Variants in C1orf21 observed in about 807,000 individuals in gnomAD.
C1orf21 encodes the protein chromosome 1 open reading frame 21.
In C1orf21, 3 loss-of-function variants were observed where a neutral mutation model predicts 18.7. The ratio of observed to expected loss-of-function variants is 0.16; its 90% CI spans 0.07 to 0.42. The LOEUF is 0.42. Ranked by LOEUF, C1orf21 falls within the 10% of genes least tolerant of loss-of-function variation. The pLI is 0.99. For missense variants in C1orf21, 104 were observed against 143.6 expected, an observed-to-expected ratio of 0.72 and a Z score of 1.41; for synonymous variants, 41 against 46.4, an observed-to-expected ratio of 0.88 and a Z score of 0.47.
At chr1:184,410,617 TTATATATATATATATATATATA>T (rs1162356586) in intron 1 of C1orf21, among the ~76,000 whole-genome samples, 1 of 21,156 alleles carries the variant, frequency 4.7e-5, no homozygotes, top group Non-Finnish European at 6.9e-5. Flanking sequence ...GCCATATATA[TTATATATATATATATATATATA>T]TATATATATA....
At chr1:184,388,059 G>T (rs546131054) in intron 1 of C1orf21, among the ~76,000 whole-genome samples, 1 of 152,186 alleles carries the variant, frequency 6.6e-6, no homozygotes, top group Non-Finnish European at 1.5e-5. Flanking sequence ...AAGTGCCGCC[G>T]CCGCGGCTGC....
intron 5 of C1orf21, among the ~76,000 whole-genome samples, chr1:184,609,288 C>A (rs142357769): frequency 5.3e-5 from 8 of 151,888 alleles, no homozygotes; most frequent in African/African-American, 1.9e-4. Flanking sequence ...TCTAATCCAG[C>A]AAGAAAACTG....
In C1orf21 at chr1:184,620,232, G is replaced by C. The variant is rs1186142298; in HGVS notation, c.*676G>C. Reference sequence around the variant, plus strand: ...GAATTAAGCTTGCAACATTGGCTTTGCTCAGATGCAGATGGAAGTGTGATC... The same window carrying C: ...GAATTAAGCTTGCAACATTGGCTTTCCTCAGATGCAGATGGAAGTGTGATC... On this transcript the variant is annotated 3_prime_UTR_variant, in exon 6 of 6. Transcript: ENST00000235307. 1 of 152,624 alleles carries C rather than the reference G, an allele frequency of 6.6e-6. No homozygotes were observed. Among genetic ancestry groups the C allele is most frequent in the Non-Finnish European group, 1.5e-5 (1 of 68,030 alleles). 9.5% of individuals were successfully genotyped at this position (152,624 alleles called of 1,614,324 possible).
At chr1:184,572,345 G>A (rs1659124341) in intron 3 of C1orf21, among the ~76,000 whole-genome samples, 1 of 152,178 alleles carries the variant, frequency 6.6e-6, no homozygotes. Flanking sequence ...CGTAGGAAGA[G>A]GGAGCGAGGG....
chr1:184,595,715 G>A (rs1659502667), intron 4 of C1orf21, among the ~76,000 whole-genome samples: 1 of 152,180 alleles, frequency 6.6e-6, no homozygotes, highest in African/African-American at 2.4e-5. Flanking sequence ...CCCCGGCAAT[G>A]TCTGACACAC....
At chr1:184,567,473 A>G (rs1659050522) in intron 3 of C1orf21, 2 of 541,366 alleles carry the variant, frequency 3.7e-6, no homozygotes, top group South Asian at 1.4e-5. Flanking sequence ...TGGTGCAGAG[A>G]TGCTGTATTG....
chr1:184,571,350 T>C (rs979546736), intron 3 of C1orf21, among the ~76,000 whole-genome samples: 1 of 150,150 alleles, frequency 6.7e-6, no homozygotes, highest in African/African-American at 2.4e-5. Context: ...AGTATTATAA[T>C]ATTACGGGAC....
chr1:184,439,662 A>G (rs1275423525), intron 1 of C1orf21, among the ~76,000 whole-genome samples: 1 of 151,998 alleles, frequency 6.6e-6, no homozygotes, highest in Non-Finnish European at 1.5e-5. Context: ...CACTCAACCT[A>G]CATTATGGCT....
intron 3 of C1orf21, among the ~76,000 whole-genome samples, chr1:184,580,611 G>A (rs1351601190): frequency 2.0e-5 from 3 of 152,206 alleles, no homozygotes; most frequent in African/African-American, 7.2e-5. Flanking sequence ...TTATCCACTT[G>A]TAACCTGCTG....
At chr1:184,411,588 T>G (rs978238628) in intron 1 of C1orf21, among the ~76,000 whole-genome samples, 1 of 145,920 alleles carries the variant, frequency 6.9e-6, no homozygotes, top group African/African-American at 2.8e-5. Flanking sequence ...CGCCTGGCTA[T>G]TTTTTTTGTA....
At chr1:184,579,311 C>T (rs553713902) in intron 3 of C1orf21, among the ~76,000 whole-genome samples, 56 of 149,986 alleles carry the variant, frequency 3.7e-4, no homozygotes, top group African/African-American at 1.2e-3. Context: ...CTCAGCCTCC[C>T]GAAGTGCTGG....
chr1:184,539,947 G>A (rs572197671), intron 3 of C1orf21: 3 of 152,186 alleles, frequency 2.0e-5, no homozygotes, highest in African/African-American at 4.8e-5. Context: ...GACATGACAC[G>A]GAGCAGTGAC....
intron 1 of C1orf21, among the ~76,000 whole-genome samples, chr1:184,410,917 G>C (rs902211616): frequency 6.6e-6 from 1 of 151,040 alleles, no homozygotes; most frequent in Non-Finnish European, 1.5e-5. Flanking sequence ...CTGCCAAACT[G>C]TTGGGGTTAC....
In C1orf21 at chr1:184,562,558, G is replaced by A. The variant is rs536552428; in HGVS notation, c.190-28181G>A. Among the ~76,000 whole-genome samples the A allele has an allele frequency of 2.1e-3, 324 of 152,326 alleles. 1 individual carries two copies. The highest frequency in any genetic ancestry group is 3.4e-3 in the Middle Eastern group (1 of 294). On this transcript the variant is annotated intron_variant, in intron 3 of 5. Transcript: ENST00000235307. ...ACTTCAAGTCATTCACCCCATACGGGAGAAGCAATGTATGAAGCATCGAGG... is the reference window on the plus strand; with the variant it reads ...ACTTCAAGTCATTCACCCCATACGGAAGAAGCAATGTATGAAGCATCGAGG...
intron 3 of C1orf21, among the ~76,000 whole-genome samples, chr1:184,584,663 A>G (rs1659328621): frequency 6.6e-6 from 1 of 152,238 alleles, no homozygotes; most frequent in Non-Finnish European, 1.5e-5. Flanking sequence ...ACTGAACACA[A>G]TATCAATGTC....
chr1:184,548,214 A>ACAC (rs1658753908), intron 3 of C1orf21, among the ~76,000 whole-genome samples: 1 of 139,984 alleles, frequency 7.1e-6, no homozygotes, highest in African/African-American at 2.7e-5. Flanking sequence ...TCAAATCCCC[A>ACAC]ACACACACAC....
chr1:184,429,940 C>G (rs1442691373), intron 1 of C1orf21, among the ~76,000 whole-genome samples: 1 of 151,858 alleles, frequency 6.6e-6, no homozygotes, highest in Non-Finnish European at 1.5e-5. Flanking sequence ...AACCCTGTCT[C>G]TACTAAAAAT....
rs533283495 is a variant in C1orf21, at chr1:184,420,485, T to G, written c.-125+33117T>G. Among the ~76,000 whole-genome samples the G allele has an allele frequency of 4.1e-4, 62 of 152,342 alleles. 1 individual carries two copies. The South Asian group carries it at 0.013, about 32-fold the overall frequency. On this transcript the variant is annotated intron_variant, in intron 1 of 5. Coordinates refer to ENST00000235307, the MANE Select transcript of C1orf21 (RefSeq NM_030806.4). ...CAAAATACTTCAGTGGTGCTAAAAG[T>G]TAGGCCTGTGGTAATAAATCATTGT...
At chr1:184,400,068 G>A (rs917732630) in intron 1 of C1orf21, among the ~76,000 whole-genome samples, 1 of 151,786 alleles carries the variant, frequency 6.6e-6, no homozygotes, top group African/African-American at 2.4e-5. Flanking sequence ...CACAATTTAT[G>A]TGTTTTAATC....
Sources: allele counts gnomAD v4.1 joint callset (sites outside exome capture counted in the v4.1 genomes callset), GRCh38; gene constraint gnomAD v4.1.1; transcripts MANE v1.5; gene names NCBI Gene and HGNC (gene_info 2026-07-23, HGNC 2026-07-21).